LARP7: variants seen among roughly 807,000 people sequenced by gnomAD.
The protein encoded by LARP7 is la-related protein 7.
A neutral mutation model predicts 69.3 loss-of-function variants in LARP7; 52 were observed. The ratio of observed to expected loss-of-function variants is 0.75; its 90% CI spans 0.60 to 0.95. The LOEUF (loss-of-function observed/expected upper bound fraction) is 0.95. Among genes scored for constraint, LARP7 ranks in the 40% least tolerant of loss-of-function variants. The pLI is 0.00. For synonymous variants in LARP7, 254 were observed against 215.9 expected (o/e 1.18, Z -1.55); for missense variants, 733 against 673.0 (o/e 1.09, Z -0.99).
intron 3 of LARP7, 51 bp from the exon 4 acceptor site, chr4:112,646,537 T>A (rs1200929619): frequency 7.8e-7 from 1 of 1,282,150 alleles, no homozygotes; most frequent in Non-Finnish European, 1.1e-6. Flanking sequence ...TGATTATAGC[T>A]TACAATTATA....
At chr4:112,647,949 C>A in intron 8 of LARP7, 115 bp downstream of exon 8, 1 of 811,774 alleles carries the variant, frequency 1.2e-6, no homozygotes, top group Non-Finnish European at 2.2e-6. Context: ...TGGCCTGTAG[C>A]CAAGAACTGC....
At position 112,648,645 on chromosome 4, in the gene LARP7, T is replaced by A. The variant is rs573054049; in HGVS notation, c.1142+811T>A. ...ATGGCATAACTTTAGAAGAAAAAAATTTTTTTACCTTCCTGAACTAGTTCC... is the reference window on the plus strand; with the variant it reads ...ATGGCATAACTTTAGAAGAAAAAAAATTTTTTACCTTCCTGAACTAGTTCC... On this transcript the variant is annotated intron_variant, in intron 8 of 12. Transcript: ENST00000344442. 136 of 417,316 alleles carry A rather than the reference T, an allele frequency of 3.3e-4. 3 individuals are homozygous for A. The highest frequency in any genetic ancestry group is 1.2e-4 in the Admixed American group (4 of 34,184). 25.9% of individuals were successfully genotyped at this position (417,316 alleles called of 1,614,324 possible). A position where few individuals can be genotyped will look rare whatever the true frequency, so the allele number is the denominator to read the frequency against.
At position 112,653,196 on chromosome 4, in the gene LARP7, A is replaced by G. The variant is rs753397922; in HGVS notation, c.1536A>G (p.Glu512=). The G allele has an allele frequency of 1.9e-6, 3 of 1,599,326 alleles. No individual in the cohort carries two copies. In the East Asian group the frequency reaches 6.8e-5, roughly 36 times the overall value. The change falls in exon 11 of 13, where the codon GAA becomes GAG. Residue 512 remains glutamate, a synonymous_variant. Transcript: ENST00000344442. ...DAQAVINAYT[E]INKKHCWKLE... ...AAGCAGTAATAAATGCCTATACAGA[A>G]ATTAACAAGAAACACTGCTGGAAAC...
In LARP7 at chr4:112,644,717, C is replaced by T; in HGVS notation, c.48C>T (p.Ser16=). The change falls in exon 2 of 13, where the codon AGC becomes AGT. Residue 16 remains serine, a synonymous_variant. Coordinates refer to ENST00000344442, the MANE Select transcript of LARP7 (RefSeq NM_016648.4). The stretch of plus-strand genomic sequence containing the variant: ...AGGAAAAGGTAATGGAAGAAGAAAG[C>T]ACTGAAAAGAAAAAAGAAGTTGAAA... ...GNQEKVMEEE[S]TEKKKEVEKK... 3 of 1,609,734 alleles carry T rather than the reference C, an allele frequency of 1.9e-6. No homozygotes were observed. Among genetic ancestry groups the T allele is most frequent in the Non-Finnish European group, 2.5e-6 (3 of 1,177,442 alleles).
At chr4:112,639,863 T>A (rs1291822157) in intron 1 of LARP7, among the ~76,000 whole-genome samples, 2 of 152,158 alleles carry the variant, frequency 1.3e-5, no homozygotes, top group African/African-American at 4.8e-5. Flanking sequence ...TAATTATCAA[T>A]AATTTATAAT....
chr4:112,650,627 A>G (rs1239669840), intron 10 of LARP7, 45 bp downstream of exon 10: 1 of 1,554,230 alleles, frequency 6.4e-7, no homozygotes, highest in East Asian at 2.3e-5. Context: ...TTCTTCTCTT[A>G]TTATTTCCCT....
intron 11 of LARP7, among the ~76,000 whole-genome samples, chr4:112,653,672 C>T (rs191619256): frequency 8.3e-4 from 127 of 152,184 alleles, no homozygotes; most frequent in African/African-American, 2.5e-3. Context: ...TTAATAGAGA[C>T]GGGGTTTCTC....
chr4:112,643,175 T>G (rs2048027492), intron 1 of LARP7, among the ~76,000 whole-genome samples: 1 of 152,128 alleles, frequency 6.6e-6, no homozygotes, highest in Admixed American at 6.6e-5. Flanking sequence ...AACAAAGAAA[T>G]AAATTGCATA....
Position 112,647,396 on chromosome 4 carries a change from G to T in LARP7, c.844G>T (p.Val282Phe). ...AAAGAAAAAGAAAAAACGGGACAGAGTTGAAGCATCTAGCTTACCTGAAGT... is the reference window on the plus strand; with the variant it reads ...AAAGAAAAAGAAAAAACGGGACAGATTTGAAGCATCTAGCTTACCTGAAGT... Reference protein sequence around the residue: ...CSKKKKKRDRVEASSLPEVRT... With the variant: ...CSKKKKKRDRFEASSLPEVRT... Residue 282 changes from valine (V) to phenylalanine (F), a missense_variant, in exon 7 of 13, where the codon GTT becomes TTT. Transcript: ENST00000344442. 3.1e-6 allele frequency: 5 copies of T among 1,614,048 alleles called. No homozygotes were observed. Among genetic ancestry groups the T allele is most frequent in the Non-Finnish European group, 4.2e-6 (5 of 1,180,000 alleles).
At chr4:112,652,827 A>G (rs1175465325) in intron 10 of LARP7, among the ~76,000 whole-genome samples, 2 of 151,750 alleles carry the variant, frequency 1.3e-5, no homozygotes, top group Admixed American at 1.3e-4. Context: ...GAATATTCCC[A>G]TTCTAGTGCA....
intron 8 of LARP7, 181 bp downstream of exon 8, chr4:112,648,015 C>A (rs1480974043): frequency 2.9e-6 from 2 of 692,116 alleles, no homozygotes; most frequent in Non-Finnish European, 2.8e-6. Context: ...CACACTCAAA[C>A]ATGGAAGCAC....
rs759291864 is a variant in LARP7, at chr4:112,644,641, T to C, written c.-2-27T>C. ...ATTAGCTATTGTGGTGATTTAAATA[T>C]TTACATCTTTTTCTTGTAATTCACA... On this transcript the variant is annotated intron_variant, in intron 1 of 12. Coordinates refer to ENST00000344442, the MANE Select transcript of LARP7 (RefSeq NM_016648.4). 5.9e-6 allele frequency: 9 copies of C among 1,517,710 alleles called. No individual in the cohort carries two copies. The South Asian group carries it at 7.1e-5, about 12-fold the overall frequency. 94.0% of individuals were successfully genotyped at this position (1,517,710 alleles called of 1,614,324 possible).
Position 112,646,617 on chromosome 4 carries a change from GA to G in LARP7, c.339del (p.Lys113AsnfsTer42). 2 of 1,600,896 alleles carry G rather than the reference GA, an allele frequency of 1.2e-6. No homozygotes were observed. The highest frequency in any genetic ancestry group is 1.7e-6 in the Non-Finnish European group (2 of 1,172,978). On this transcript the variant is annotated frameshift_variant, in exon 4 of 13. Transcript: ENST00000344442. LOFTEE classifies it high-confidence loss of function. ...LDLEGTRIRRKKPLGERPKDE... is the reference protein window; with the variant it reads ...LDLEGTRIRRXKPLGERPKDE... ...ATTTGGAAGGCACCAGAATCCGGAG[GA>G]AAAAACCTCTGGGGGAAAGACCAAA...
At chr4:112,645,787 G>A (rs2048179970) in intron 2 of LARP7, 1 of 347,728 alleles carries the variant, frequency 2.9e-6, no homozygotes, top group African/African-American at 2.2e-5. Flanking sequence ...GAATTGCTGA[G>A]ATAAGAAGCA....
chr4:112,652,528 A>G (rs1268900409), intron 10 of LARP7, among the ~76,000 whole-genome samples: 1 of 152,096 alleles, frequency 6.6e-6, no homozygotes, highest in Non-Finnish European at 1.5e-5. Flanking sequence ...AGAAGAGGTT[A>G]CTTAGGTATT....
Position 112,644,720 on chromosome 4 carries a change from TGAAAAGA to T in LARP7, c.52_58del (p.Glu18LysfsTer42), listed in dbSNP as rs753407811. 4.3e-6 allele frequency: 7 copies of T among 1,610,828 alleles called. No homozygotes were observed. Among genetic ancestry groups the T allele is most frequent in the Non-Finnish European group, 5.9e-6 (7 of 1,178,186 alleles). On this transcript the variant is annotated frameshift_variant, in exon 2 of 13. Transcript: ENST00000344442. LOFTEE classifies it high-confidence loss of function. ...AAAAGGTAATGGAAGAAGAAAGCAC[TGAAAAGA>T]AAAAAGAAGTTGAAAAAAAGAAACG...
intron 1 of LARP7, 58 bp from the exon 2 acceptor site, chr4:112,644,610 A>G: frequency 7.7e-7 from 1 of 1,300,294 alleles, no homozygotes; most frequent in African/African-American, 1.5e-5. Flanking sequence ...CTAAATATTT[A>G]ACTATATTAG....
intron 12 of LARP7, 73 bp from the exon 13 acceptor site, chr4:112,657,168 TTTTGTG>T: frequency 1.8e-6 from 1 of 559,864 alleles, no homozygotes; most frequent in Non-Finnish European, 2.6e-6. Flanking sequence ...CTAGTCATAG[TTTTGTG>T]TGTGTGTGTG....
intron 2 of LARP7, among the ~76,000 whole-genome samples, chr4:112,646,005 G>T (rs1413464958): frequency 6.6e-5 from 10 of 150,670 alleles, no homozygotes; most frequent in African/African-American, 1.5e-4. Context: ...GTTTTTTTTT[G>T]TTTGTTTTGT....
Sources: allele counts gnomAD v4.1 joint callset (sites outside exome capture counted in the v4.1 genomes callset), GRCh38; gene constraint gnomAD v4.1.1; transcripts MANE v1.5; gene names NCBI Gene and HGNC (gene_info 2026-07-23, HGNC 2026-07-21).